The following HDAC9 variants were observed in gnomAD, a reference collection of about 807,000 sequenced individuals.
HDAC9 encodes MEF-2 interacting transcription repressor (MITR) protein.
In HDAC9, 41 loss-of-function variants were observed where a neutral mutation model predicts 139.4. The observed-to-expected ratio is 0.29, with a 90% CI of 0.23 to 0.38. The LOEUF (loss-of-function observed/expected upper bound fraction) is 0.38. Ranked by LOEUF, HDAC9 falls within the 10% of genes least tolerant of loss-of-function variation. The pLI, the probability that HDAC9 is intolerant of heterozygous loss-of-function variation, is 1.00. For missense variants in HDAC9, 1,147 were observed against 1,297.0 expected, an observed-to-expected ratio of 0.88 and a Z score of 1.78; for synonymous variants, 517 against 476.2, an observed-to-expected ratio of 1.09 and a Z score of -1.12.
intron 12 of HDAC9, among the ~76,000 whole-genome samples, chr7:18,723,039 C>T (rs1382063422): frequency 6.6e-6 from 1 of 152,130 alleles, no homozygotes; most frequent in Non-Finnish European, 1.5e-5. Flanking sequence ...CCTTTTCTCA[C>T]ATTATCTCTT....
chr7:18,898,345 G>T (rs1357182672), intron 22 of HDAC9, among the ~76,000 whole-genome samples: 1 of 151,754 alleles, frequency 6.6e-6, no homozygotes, highest in Non-Finnish European at 1.5e-5. Flanking sequence ...GGCATAAAAA[G>T]ATGAGTGGTA....
intron 1 of HDAC9, among the ~76,000 whole-genome samples, chr7:18,399,368 A>G (rs1391655262): frequency 1.3e-5 from 2 of 152,162 alleles, no homozygotes; most frequent in Non-Finnish European, 2.9e-5. Context: ...TTTCTTCCCA[A>G]TTTCTGGTAC....
intron 1 of HDAC9, among the ~76,000 whole-genome samples, chr7:18,298,372 G>T (rs1213278570): frequency 6.6e-6 from 1 of 151,390 alleles, no homozygotes; most frequent in Non-Finnish European, 1.5e-5. Context: ...TGCCATGCTG[G>T]TGCGCTACAC....
intron 2 of HDAC9, among the ~76,000 whole-genome samples, chr7:18,216,712 T>C (rs540236660): frequency 1.3e-5 from 2 of 152,296 alleles, no homozygotes; most frequent in African/African-American, 2.4e-5. Flanking sequence ...TTTATTATTA[T>C]TTAATATGCT....
At chr7:18,327,849 G>A (rs536216919) in intron 1 of HDAC9, 1 of 151,642 alleles carries the variant, frequency 6.6e-6, no homozygotes, top group African/African-American at 2.4e-5. Flanking sequence ...TATTCATTTG[G>A]TACTTATTTC....
intron 19 of HDAC9, among the ~76,000 whole-genome samples, chr7:18,834,030 A>G (rs1796048306): frequency 6.6e-6 from 1 of 152,202 alleles, no homozygotes; most frequent in Admixed American, 6.5e-5. Context: ...TGGCCTTTGG[A>G]ATAGGAAGTA....
At chr7:18,362,477 A>G (rs1783857673) in intron 1 of HDAC9, among the ~76,000 whole-genome samples, 1 of 152,210 alleles carries the variant, frequency 6.6e-6, no homozygotes, top group African/African-American at 2.4e-5. Context: ...TTGGAGATTT[A>G]TGATTCTTAA....
At chr7:18,586,176 A>G (rs1250620397) in intron 3 of HDAC9, among the ~76,000 whole-genome samples, 1 of 152,174 alleles carries the variant, frequency 6.6e-6, no homozygotes, top group Non-Finnish European at 1.5e-5. Flanking sequence ...TTTTAGCACA[A>G]ATATATCCAT....
At chr7:18,653,763 C>T (rs983593634) in intron 11 of HDAC9, among the ~76,000 whole-genome samples, 1 of 152,210 alleles carries the variant, frequency 6.6e-6, no homozygotes, top group South Asian at 2.1e-4. Context: ...TGGATCTGAG[C>T]AAATGGAGAG....
intron 21 of HDAC9, among the ~76,000 whole-genome samples, chr7:18,845,500 G>C (rs1315079880): frequency 1.3e-5 from 2 of 152,148 alleles, no homozygotes; most frequent in African/African-American, 4.8e-5. Flanking sequence ...AATAGCTCCA[G>C]AGTGTAACTG....
intron 1 of HDAC9, among the ~76,000 whole-genome samples, chr7:18,424,462 A>G (rs1789928122): frequency 6.6e-6 from 1 of 152,202 alleles, no homozygotes; most frequent in Admixed American, 6.5e-5. Context: ...CTCATTTTTC[A>G]CAGTTCTTTA....
At chr7:18,287,405 A>G (rs1797523678), upstream of HDAC9, among the ~76,000 whole-genome samples, 3 of 152,364 alleles carry the variant, frequency 2.0e-5, no homozygotes, top group South Asian at 6.2e-4. Flanking sequence ...ATACTCTGAC[A>G]TTACATATTT....
At chr7:18,906,199 G>C (rs139073034) in intron 22 of HDAC9, among the ~76,000 whole-genome samples, 13 of 151,526 alleles carry the variant, frequency 8.6e-5, no homozygotes, top group African/African-American at 3.2e-4. Context: ...CTGGAGTGTA[G>C]TGGCACAATC....
intron 2 of HDAC9, among the ~76,000 whole-genome samples, chr7:18,263,334 T>A (rs1795797266): frequency 6.6e-6 from 1 of 152,152 alleles, no homozygotes; most frequent in Non-Finnish European, 1.5e-5. Context: ...TCTCATAATC[T>A]CTTCTGTAAT....
chr7:18,486,372 A>C (rs144360283), intron 1 of HDAC9, among the ~76,000 whole-genome samples: 12 of 152,292 alleles, frequency 7.9e-5, no homozygotes, highest in African/African-American at 2.9e-4. Context: ...TCTAGAAAGT[A>C]TATGATCATA....
intron 1 of HDAC9, among the ~76,000 whole-genome samples, chr7:18,160,659 C>T (rs534748855): frequency 6.6e-6 from 1 of 151,998 alleles, no homozygotes; most frequent in African/African-American, 2.4e-5. Flanking sequence ...TTTTGTTGCC[C>T]AGGCTGGAGT....
At chr7:18,295,626 C>G (rs559376852) in intron 1 of HDAC9, among the ~76,000 whole-genome samples, 1 of 152,230 alleles carries the variant, frequency 6.6e-6, no homozygotes, top group Admixed American at 6.5e-5. Context: ...AACTTACTTC[C>G]TTGGAAGTGC....
intron 1 of HDAC9, among the ~76,000 whole-genome samples, chr7:18,377,436 A>G (rs1313951030): frequency 3.9e-5 from 6 of 152,224 alleles, no homozygotes. Context: ...TTTTCTAGTC[A>G]GTAGTATTTA....
At position 18,829,190 on chromosome 7, in the gene HDAC9, C is replaced by T. The variant is rs1162315527; in HGVS notation, c.2352C>T (p.Gly784=). 6.2e-7 allele frequency: 1 copy of T among 1,613,038 alleles called. No homozygotes were observed. The highest frequency in any genetic ancestry group is 1.3e-5 in the African/African-American group (1 of 74,918). ...KNGFAVVRPP[G]HHAEESTAMG... Reference sequence around the variant, plus strand: ...GGTTTGCTGTTGTGAGGCCCCCTGGCCATCACGCTGAAGAATCCACAGCCA... The same window carrying T: ...GGTTTGCTGTTGTGAGGCCCCCTGGTCATCACGCTGAAGAATCCACAGCCA... The change falls in exon 18 of 26, where the codon GGC becomes GGT. Residue 784 remains glycine (G), a synonymous_variant. Transcript: ENST00000686413.
Sources: gnomAD v4.1 joint callset for allele counts (sites outside exome capture counted in the v4.1 genomes callset) on GRCh38, gnomAD v4.1.1 for gene constraint, MANE v1.5 for transcripts, NCBI Gene and HGNC (gene_info 2026-07-23, HGNC 2026-07-21) for gene names.